Variants in ARSD observed in about 807,000 individuals in gnomAD.
ARSD encodes testis tissue sperm-binding protein Li 39a.
Under a neutral mutation model 32.6 loss-of-function variants are expected in ARSD, and 21 were observed. The observed-to-expected ratio is 0.64, with a 90% confidence interval of 0.46 to 0.93. ARSD has a LOEUF of 0.93. Among genes scored for constraint, ARSD ranks in the 40% least tolerant of loss-of-function variants. ARSD has a pLI of 0.00. For synonymous variants in ARSD, 224 were observed against 237.4 expected, an observed-to-expected ratio of 0.94 and a Z score of 0.52; for missense variants, 454 against 520.9, an observed-to-expected ratio of 0.87 and a Z score of 1.25.
rs2089126978 is a variant in ARSD, at chrX:2,929,254, C to A, written c.22G>T (p.Gly8Ter). The change falls in exon 1 of 10, where the codon GGA (glycine) becomes TGA (stop). Residue 8 changes from glycine (G) to a stop codon, truncating the protein, a stop_gained. Transcript: ENST00000381154. LOFTEE classifies it high-confidence loss of function. MRSAARRGRAAPAARDSL... is the reference protein window; with the variant it reads MRSAARR ...CACCTGGCGGCGGGCGCGGCGCGTC[C>A]CCTCCGCGCGGCGGATCGCATGGCC... is the stretch of plus-strand genomic sequence containing the variant. The A allele has an allele frequency of 1.9e-6, 2 of 1,031,565 alleles. No individual in the cohort carries two copies. The highest frequency in any genetic ancestry group is 2.0e-5 in the African/African-American group (1 of 50,705). The allele number at this position is 1,031,565 out of a possible 1,213,427, so 85.0% of individuals were successfully genotyped here.
intron 4 of ARSD, chrX:2,920,359 A>T: frequency 2.7e-6 from 1 of 370,858 alleles, no homozygotes; most frequent in Non-Finnish European, 4.7e-6. Context: ...TTGCAGGAAA[A>T]CGGGATCTTT....
chrX:2,909,254 ATC>A (rs2147306879), intron 8 of ARSD, among the ~76,000 whole-genome samples: 2 of 109,564 alleles, frequency 1.8e-5, no homozygotes, highest in South Asian at 8.1e-4. Flanking sequence ...CAGTGGCACA[ATC>A]TCAGCTCATT....
chrX:2,920,785 C>T (rs1603461250), intron 3 of ARSD, 62 bp from the exon 4 acceptor site: 2 of 1,171,075 alleles, frequency 1.7e-6, no homozygotes, highest in East Asian at 6.0e-5. Context: ...ACTTCTCAAC[C>T]AGAGGGATTT....
intron 1 of ARSD, among the ~76,000 whole-genome samples, chrX:2,928,413 T>A (rs1199802930): frequency 3.3e-5 from 1 of 30,028 alleles, no homozygotes; most frequent in African/African-American, 1.4e-4. Context: ...CAGCCGTGCT[T>A]GGGAGGATGG....
intron 6 of ARSD, 88 bp downstream of exon 6, chrX:2,915,468 G>A: frequency 8.7e-7 from 1 of 1,147,424 alleles, no homozygotes; most frequent in Non-Finnish European, 1.2e-6. Flanking sequence ...ATTGCAAGTT[G>A]GTTCATATTC....
intron 2 of ARSD, among the ~76,000 whole-genome samples, chrX:2,924,019 A>T (rs906753943): frequency 9.8e-5 from 11 of 112,279 alleles, no homozygotes; most frequent in African/African-American, 3.6e-4. Context: ...GGATCCCTGG[A>T]CAGGGGGCAG....
intron 6 of ARSD, chrX:2,913,982 G>A (rs75540011): frequency 2.9e-5 from 10 of 346,018 alleles, no homozygotes; most frequent in Non-Finnish European, 3.8e-5. Context: ...CTCCCCCTTC[G>A]CCTTCCACCA....
chrX:2,925,667 G>A lies in ARSD; in HGVS notation c.143C>T (p.Ala48Val), dbSNP rs150390734. 26 of 1,207,376 alleles carry A rather than the reference G, an allele frequency of 2.2e-5. 1 individual carries two copies. In the Admixed American group the frequency reaches 4.6e-4, roughly 21 times the overall value. The change falls in exon 2 of 10, where the codon GCG becomes GTG. Residue 48 changes from alanine (A) to valine (V), a missense_variant. Physicochemically the swap from Ala to Val is moderately conservative, Grantham distance 64. This residue lies in a region of ARSD where 271 missense variants were observed against 301.0 expected (regional missense o/e 0.90). Coordinates refer to ENST00000381154, the MANE Select transcript of ARSD (RefSeq NM_001669.4). ...AFKPNILLIM[A>V]DDLGTGDLGC... ...GAGATCCCCAGTGCCTAGATCATCC[G>A]CCATGATCAGTAGGATATTTGGTTT...
Position 2,907,577 on chromosome X carries a change from C to T in ARSD, c.1476G>A (p.Ala492=), listed in dbSNP as rs200460664. Reference sequence around the variant, plus strand: ...AGACGCCTCGGCCGTAGCAGGCCCCCGCTCCCTCGGGGTGGAACTGCGGGG... The same window carrying T: ...AGACGCCTCGGCCGTAGCAGGCCCCTGCTCCCTCGGGGTGGAACTGCGGGG... The part of the protein sequence containing the change: ...YTTPQFHPEG[A]GACYGRGVCP... The change falls in exon 10 of 10, where the codon GCG becomes GCA. Residue 492 remains alanine (A), a synonymous_variant. Coordinates refer to ENST00000381154, the MANE Select transcript of ARSD (RefSeq NM_001669.4). 2.0e-5 allele frequency: 23 copies of T among 1,136,331 alleles called. No individual in the cohort carries two copies. The highest frequency in any genetic ancestry group is 2.2e-5 in the Non-Finnish European group (19 of 857,619). The allele number at this position is 1,136,331 out of a possible 1,213,427, so 93.6% of individuals were successfully genotyped here.
intron 1 of ARSD, among the ~76,000 whole-genome samples, chrX:2,928,001 T>C (rs1241360992): frequency 2.7e-5 from 3 of 111,980 alleles, no homozygotes; most frequent in Non-Finnish European, 5.6e-5. Flanking sequence ...TTGTTTTCAA[T>C]AAATCCCTGC....
rs2088886984 is a variant in ARSD, at chrX:2,909,819, G to T, written c.1296C>A (p.Asp432Glu). 1 of 1,203,735 alleles carries T rather than the reference G, an allele frequency of 8.3e-7. No homozygotes were observed. Among genetic ancestry groups the T allele is most frequent in the East Asian group, 3.0e-5 (1 of 33,488 alleles). ...CAGGCAGCCTTATCTCCACGTACCTGTCCTGGGGCACCTCGCCACCCACCA... is the reference window on the plus strand; with the variant it reads ...CAGGCAGCCTTATCTCCACGTACCTTTCCTGGGGCACCTCGCCACCCACCA... ...VQLVGGEVPQ[D>E]RVIDGHSLVP... The change falls in exon 8 of 10, where the codon GAC becomes GAA. Residue 432 changes from aspartate (D) to glutamate (E), a missense_variant and splice_region_variant. This residue lies in a region of ARSD where 179 missense variants were observed against 198.5 expected (regional missense o/e 0.90). Transcript: ENST00000381154.
chrX:2,913,921 G>C, intron 6 of ARSD: 1 of 287,705 alleles, frequency 3.5e-6, no homozygotes, highest in Non-Finnish European at 4.9e-6. Context: ...GTTTAAAAGT[G>C]TGCGGCTCTT....
At chrX:2,915,858 G>A (rs1174707699) in intron 5 of ARSD, among the ~76,000 whole-genome samples, 166 bp from the exon 6 acceptor site, 29 of 111,586 alleles carry the variant, frequency 2.6e-4, no homozygotes, top group Admixed American at 2.5e-3. Context: ...TGGGCCAGGC[G>A]TGGTGGCTCA....
chrX:2,917,485 T>G (rs2088973584), intron 5 of ARSD, among the ~76,000 whole-genome samples: 1 of 110,140 alleles, frequency 9.1e-6, no homozygotes, highest in African/African-American at 3.3e-5. Context: ...TTATTTTTAT[T>G]TTTTTAGCGA....
Position 2,907,299 on chromosome X carries a change from C to A in ARSD, c.1754G>T (p.Cys585Phe). 8.3e-7 allele frequency: 1 copy of A among 1,210,765 alleles called. No individual in the cohort carries two copies. The highest frequency in any genetic ancestry group is 1.1e-6 in the Non-Finnish European group (1 of 894,863). The change falls in exon 10 of 10, where the codon TGC becomes TTC. Residue 585 changes from cysteine (C) to phenylalanine (F), a missense_variant. Cys to Phe is a radical substitution (Grantham distance 205). Coordinates refer to ENST00000381154, the MANE Select transcript of ARSD (RefSeq NM_001669.4). ...GGGGGTGCCATCCCCATCCTCGTGG[C>A]ATGAACAGAACGGGAAATGTCCGCA... ...PCCGHFPFCSCHEDGDGTP is the reference protein window; with the variant it reads ...PCCGHFPFCSFHEDGDGTP
intron 4 of ARSD, among the ~76,000 whole-genome samples, chrX:2,920,077 C>T (rs997017365): frequency 3.6e-5 from 4 of 111,197 alleles, no homozygotes; most frequent in Non-Finnish European, 5.6e-5. Context: ...CTGCCCCTGC[C>T]GGGGTTTATT....
chrX:2,917,198 C>A (rs2088970071), intron 5 of ARSD, among the ~76,000 whole-genome samples: 2 of 109,077 alleles, frequency 1.8e-5, no homozygotes, highest in South Asian at 8.1e-4. Flanking sequence ...CCAGCCTGGG[C>A]AACATAGTGA....
At chrX:2,922,158 T>TGCA in intron 2 of ARSD, 134 bp from the exon 3 acceptor site, 1 of 825,933 alleles carries the variant, frequency 1.2e-6, no homozygotes, top group Non-Finnish European at 1.7e-6. Flanking sequence ...TATGGTCTCC[T>TGCA]GCAGCGGTAG....
Position 2,907,618 on chromosome X carries a change from T to C in ARSD, c.1435A>G (p.Lys479Glu). The C allele has an allele frequency of 9.1e-7, 1 of 1,102,270 alleles. No homozygotes were observed. Among genetic ancestry groups the C allele is most frequent in the South Asian group, 2.3e-5 (1 of 42,620 alleles). The allele number at this position is 1,102,270 out of a possible 1,213,427, so 90.8% of individuals were successfully genotyped here. A position where few individuals can be genotyped will look rare whatever the true frequency, so the allele number is the denominator to read the frequency against. Residue 479 changes from lysine to glutamate, a missense_variant, in exon 10 of 10, where the codon AAG becomes GAG. Lys to Glu is a moderately conservative substitution (Grantham distance 56, BLOSUM62 1). Coordinates refer to ENST00000381154, the MANE Select transcript of ARSD (RefSeq NM_001669.4). ...AACTGCGGGGTCGTGTAATGAACCT[T>C]CCAGACGCTTCCACCTGGATGCAGA... ...WHQKDSGSVW[K>E]VHYTTPQFHP...
Sources: allele counts gnomAD v4.1 joint callset (sites outside exome capture counted in the v4.1 genomes callset), GRCh38; gene constraint gnomAD v4.1.1; regional missense constraint gnomAD v4.1.1; transcripts MANE v1.5; gene names NCBI Gene and HGNC (gene_info 2026-07-23, HGNC 2026-07-21).